Variants in IMMP1L observed in about 807,000 individuals in gnomAD.
IMMP1L encodes the protein inner mitochondrial membrane peptidase subunit 1, also known as mitochondrial inner membrane protease subunit 1.
Under a neutral mutation model 21.8 loss-of-function variants are expected in IMMP1L, and 24 were observed. The ratio of observed to expected loss-of-function variants is 1.10; its 90% CI spans 0.80 to 1.55. IMMP1L has a LOEUF of 1.55. Ranked by LOEUF, IMMP1L falls within the 40% of genes most tolerant of loss-of-function variation. The pLI is 0.00. For missense variants in IMMP1L, 195 were observed against 200.7 expected, an observed-to-expected ratio of 0.97 and a Z score of 0.17; for synonymous variants, 46 against 62.8, an observed-to-expected ratio of 0.73 and a Z score of 1.26.
chr11:31,491,753 T>G (rs1000761570), intron 1 of IMMP1L, among the ~76,000 whole-genome samples: 2 of 152,210 alleles, frequency 1.3e-5, no homozygotes, highest in African/African-American at 2.4e-5. Flanking sequence ...GGTATGTGAC[T>G]AATGGGTCCA....
chr11:31,501,868 C>T (rs1416279557), intron 1 of IMMP1L, among the ~76,000 whole-genome samples: 1 of 151,702 alleles, frequency 6.6e-6, no homozygotes, highest in Non-Finnish European at 1.5e-5. Context: ...ACCCCAGCTA[C>T]TTGGAAGGCT....
intron 1 of IMMP1L, among the ~76,000 whole-genome samples, chr11:31,497,460 C>CTTTTTTT (rs796666845): frequency 4.0e-5 from 5 of 123,998 alleles, no homozygotes; most frequent in Non-Finnish European, 5.1e-5. Flanking sequence ...TATTTCTTTT[C>CTTTTTTT]TTTTTTTTTT....
intron 1 of IMMP1L, among the ~76,000 whole-genome samples, chr11:31,497,589 G>A (rs1053421900): frequency 1.3e-5 from 2 of 151,572 alleles, no homozygotes; most frequent in Non-Finnish European, 2.9e-5. Flanking sequence ...AGCCTCCCAA[G>A]TAGCTGGGAC....
chr11:31,454,617 C>T (rs1255394617), intron 4 of IMMP1L, among the ~76,000 whole-genome samples: 1 of 151,984 alleles, frequency 6.6e-6, no homozygotes, highest in African/African-American at 2.4e-5. Flanking sequence ...AAATAATGTA[C>T]AATTATTATG....
At chr11:31,451,726 T>A (rs1352940114) in intron 4 of IMMP1L, among the ~76,000 whole-genome samples, 1 of 152,070 alleles carries the variant, frequency 6.6e-6, no homozygotes, top group African/African-American at 2.4e-5. Context: ...ATACTTGATA[T>A]AAATTTGAGA....
At chr11:31,496,782 ATAT>A (rs1173547362) in intron 1 of IMMP1L, among the ~76,000 whole-genome samples, 2 of 148,324 alleles carry the variant, frequency 1.3e-5, no homozygotes, top group Non-Finnish European at 3.0e-5. Context: ...GGATAATCAT[ATAT>A]TATAATAGAT....
At chr11:31,508,720 G>T (rs1259069382) in intron 1 of IMMP1L, among the ~76,000 whole-genome samples, 1 of 152,016 alleles carries the variant, frequency 6.6e-6, no homozygotes, top group Middle Eastern at 3.2e-3. Flanking sequence ...TCAGTAGTGC[G>T]GTAATGATTT....
rs1429223266 is a variant in IMMP1L, at chr11:31,463,178, A to C, written c.99T>G (p.Val33=). The change falls in exon 2 of 6, where the codon GTT becomes GTG. Residue 33 remains valine (V), a synonymous_variant. Transcript: ENST00000532287. ...AHCAFEYVGG[V]VMCSGPSMEP... is the part of the protein sequence containing the mutation. Reference sequence around the variant, plus strand: ...CTTGAACATAAAAACTTACCATGACAACACCACCAACGTATTCAAAAGCAC... The same window carrying C: ...CTTGAACATAAAAACTTACCATGACCACACCACCAACGTATTCAAAAGCAC... 2 of 1,601,050 alleles carry C rather than the reference A, an allele frequency of 1.2e-6. No homozygotes were observed. The highest frequency in any genetic ancestry group is 1.7e-6 in the Non-Finnish European group (2 of 1,175,062).
intron 1 of IMMP1L, among the ~76,000 whole-genome samples, chr11:31,495,443 C>G (rs750079036): frequency 6.6e-6 from 1 of 152,176 alleles, no homozygotes; most frequent in South Asian, 2.1e-4. Flanking sequence ...CATTCTCATG[C>G]TAGCCTCAGG....
chr11:31,459,793 ATAAT>A (rs1204835590), intron 3 of IMMP1L, among the ~76,000 whole-genome samples: 3 of 152,160 alleles, frequency 2.0e-5, no homozygotes, highest in African/African-American at 7.2e-5. Context: ...TCAACTTAAT[ATAAT>A]TAATCAGGAG....
At chr11:31,463,106 A>T in intron 2 of IMMP1L, 66 bp downstream of exon 2, 2 of 1,305,624 alleles carry the variant, frequency 1.5e-6, no homozygotes, top group South Asian at 3.1e-5. Context: ...AAGGAAAAAC[A>T]CACTTTCCTT....
Position 31,441,176 on chromosome 11 carries a change from C to G in IMMP1L, c.322-7606G>C, listed in dbSNP as rs1707881626. 2.0e-5 allele frequency among the ~76,000 whole-genome samples: 3 copies of G among 151,940 alleles called. No homozygotes were observed. The South Asian group carries it at 6.2e-4, about 31-fold the overall frequency. ...CTTAAAGTATACATATGTATATATACACAGAAATATATGTGTATGTGTGTC... is the reference window on the plus strand; with the variant it reads ...CTTAAAGTATACATATGTATATATAGACAGAAATATATGTGTATGTGTGTC... On this transcript the variant is annotated intron_variant, in intron 4 of 5. Coordinates refer to ENST00000532287, the MANE Select transcript of IMMP1L (RefSeq NM_001304274.2).
chr11:31,433,433 C>A (rs1952991140), intron 5 of IMMP1L, 27 bp downstream of exon 5: 1 of 1,309,250 alleles, frequency 7.6e-7, no homozygotes, highest in South Asian at 1.3e-5. Flanking sequence ...AGAAAATAAA[C>A]CTTACATTTT....
chr11:31,443,730 G>A (rs1304219705), intron 4 of IMMP1L, among the ~76,000 whole-genome samples: 1 of 152,086 alleles, frequency 6.6e-6, no homozygotes, highest in Non-Finnish European at 1.5e-5. Flanking sequence ...CAGCCTCATT[G>A]CTGTCCTATC....
intron 4 of IMMP1L, 81 bp downstream of exon 4, chr11:31,456,179 A>C: frequency 2.1e-6 from 2 of 973,388 alleles, no homozygotes; most frequent in East Asian, 2.6e-5. Flanking sequence ...AATATGAATA[A>C]ACATTATTTT....
chr11:31,492,274 C>A (rs1346032145), intron 1 of IMMP1L, among the ~76,000 whole-genome samples: 5 of 152,156 alleles, frequency 3.3e-5, no homozygotes, highest in Non-Finnish European at 5.9e-5. Context: ...TCTCCTTAAA[C>A]CTCATTAATA....
chr11:31,470,212 G>A (rs113223539), intron 1 of IMMP1L, among the ~76,000 whole-genome samples: 9 of 152,182 alleles, frequency 5.9e-5, no homozygotes, highest in Non-Finnish European at 1.0e-4. Context: ...TCGGGAGTTC[G>A]AGAGCAGCCT....
At position 31,492,797 on chromosome 11, in the gene IMMP1L, C is replaced by T. The variant is rs144277572; in HGVS notation, c.-30+16722G>A. 5.9e-5 allele frequency among the ~76,000 whole-genome samples: 9 copies of T among 152,296 alleles called. No homozygotes were observed. The East Asian group carries it at 1.7e-3, about 29-fold the overall frequency. ...GTTGATAGAACAGTTAGCACACATA[C>T]ATTTACTGATTAAGTTAACATTCTT... is the stretch of plus-strand genomic sequence containing the variant. On this transcript the variant is annotated intron_variant, in intron 1 of 5. Coordinates refer to ENST00000532287, the MANE Select transcript of IMMP1L (RefSeq NM_001304274.2).
intron 1 of IMMP1L, among the ~76,000 whole-genome samples, chr11:31,492,613 A>C (rs1255996941): frequency 6.6e-6 from 1 of 152,184 alleles, no homozygotes; most frequent in African/African-American, 2.4e-5. Flanking sequence ...AAAGTGACAA[A>C]TATGCCATGC....
Sources: allele counts gnomAD v4.1 joint callset (sites outside exome capture counted in the v4.1 genomes callset), GRCh38; gene constraint gnomAD v4.1.1; transcripts MANE v1.5; gene names NCBI Gene and HGNC (gene_info 2026-07-23, HGNC 2026-07-21).